WDR17: variants seen among roughly 807,000 people sequenced by gnomAD.
WDR17 encodes WD repeat-containing protein 17.
In WDR17, 143 loss-of-function variants were observed where a neutral mutation model predicts 161.7. That is an observed-to-expected ratio of 0.88 (90% CI 0.77 to 1.02). The LOEUF (loss-of-function observed/expected upper bound fraction) is 1.02, where lower values mean the gene tolerates loss of function less well. Among genes scored for constraint, WDR17 ranks in the 50% least tolerant of loss-of-function variants. The probability of loss-of-function intolerance (pLI) is 0.00; values close to 1 mark genes in which losing one functional copy is unlikely to be tolerated. For synonymous variants in WDR17, 517 were observed against 515.6 expected (o/e 1.00, Z -0.04); for missense variants, 1,469 against 1,520.9 (o/e 0.97, Z 0.57).
intron 1 of WDR17, among the ~76,000 whole-genome samples, chr4:176,085,925 A>G (rs1056451999): frequency 6.6e-6 from 1 of 151,966 alleles, no homozygotes; most frequent in East Asian, 1.9e-4. Context: ...AAAGAAGTGA[A>G]ATATAATTGA....
At chr4:176,099,412 A>G (rs1442189302) in intron 1 of WDR17, among the ~76,000 whole-genome samples, 1 of 152,112 alleles carries the variant, frequency 6.6e-6, no homozygotes, top group Non-Finnish European at 1.5e-5. Flanking sequence ...TAAAAACTTC[A>G]CGGGAACCCA....
chr4:176,077,155 ATTTTTTTTTT>A (rs66817611), intron 1 of WDR17, among the ~76,000 whole-genome samples: 11 of 125,452 alleles, frequency 8.8e-5, no homozygotes, highest in South Asian at 4.8e-4. Flanking sequence ...TTTTCTCCCA[ATTTTTTTTTT>A]TTTTTTTTTT....
At position 176,180,234 on chromosome 4, in the gene WDR17, G is replaced by A. The variant is rs1561230156; in HGVS notation, c.*655G>A. On this transcript the variant is annotated 3_prime_UTR_variant, in exon 29 of 29. Transcript: ENST00000508596. ...CATTGTAAAGGTGTAAGTTATATAGGCTTGAAAAAAATTGGCGGGTAAAAA... is the reference window on the plus strand; with the variant it reads ...CATTGTAAAGGTGTAAGTTATATAGACTTGAAAAAAATTGGCGGGTAAAAA... 1 of 151,370 alleles carries A rather than the reference G, an allele frequency of 6.6e-6. No homozygotes were observed. The highest frequency in any genetic ancestry group is 1.5e-5 in the Non-Finnish European group (1 of 67,826). 9.4% of individuals were successfully genotyped at this position (151,370 alleles called of 1,614,324 possible). A position where few individuals can be genotyped will look rare whatever the true frequency, so the allele number is the denominator to read the frequency against.
chr4:176,111,405 C>A, intron 1 of WDR17, 170 bp from the exon 2 acceptor site: 1 of 526,432 alleles, frequency 1.9e-6, no homozygotes, highest in Non-Finnish European at 3.0e-6. Flanking sequence ...TGTCTGCAGA[C>A]ATTTAGGGAG....
chr4:176,107,110 G>T (rs1738874659), intron 1 of WDR17, among the ~76,000 whole-genome samples: 1 of 152,072 alleles, frequency 6.6e-6, no homozygotes, highest in Admixed American at 6.6e-5. Context: ...TGATTTACCT[G>T]ATTGAAAAAT....
intron 12 of WDR17, among the ~76,000 whole-genome samples, chr4:176,146,503 G>A (rs2126803258): frequency 6.6e-6 from 1 of 152,316 alleles, no homozygotes; most frequent in African/African-American, 2.4e-5. Context: ...AGGGAAATCA[G>A]TTATACTGCC....
At chr4:176,112,222 T>C (rs1228554946) in intron 2 of WDR17, among the ~76,000 whole-genome samples, 1 of 152,168 alleles carries the variant, frequency 6.6e-6, no homozygotes, top group Non-Finnish European at 1.5e-5. Flanking sequence ...AATGTGATAG[T>C]TATCTTTGAC....
intron 2 of WDR17, among the ~76,000 whole-genome samples, 169 bp from the exon 3 acceptor site, chr4:176,115,627 T>A (rs888504220): frequency 6.6e-6 from 1 of 151,972 alleles, no homozygotes; most frequent in Admixed American, 6.6e-5. Flanking sequence ...TGGTTCAATA[T>A]TCATGAATAC....
At position 176,182,346 on chromosome 4, in the gene WDR17, ATATG is replaced by A. The variant is rs1201617935; in HGVS notation, c.*2773_*2776del. 9 of 151,602 alleles carry A rather than the reference ATATG, an allele frequency of 5.9e-5. No homozygotes were observed. Among genetic ancestry groups the A allele is most frequent in the African/African-American group, 9.7e-5 (4 of 41,332 alleles). The allele number at this position is 151,602 out of a possible 1,614,324, so 9.4% of individuals were successfully genotyped here. A position where few individuals can be genotyped will look rare whatever the true frequency, so the allele number is the denominator to read the frequency against. On this transcript the variant is annotated 3_prime_UTR_variant, in exon 29 of 29. Transcript: ENST00000508596. This position sits in a 1 kb window ranked among gnomAD's most constrained non-coding sequence, Gnocchi z 4.2. ...ATGTCAATCAAGACAAATGAAATAT[ATATG>A]TATGTGTATATATATACATGTATGT...
intron 1 of WDR17, among the ~76,000 whole-genome samples, chr4:176,069,883 G>T (rs36008793): frequency 0.52 from 78,704 of 151,984 alleles, 21,919 homozygotes; most frequent in South Asian, 0.63. Flanking sequence ...TGGTTAATAA[G>T]AAATAGCTAA....
chr4:176,172,537 A>AG, intron 24 of WDR17, 21 bp downstream of exon 24: 2 of 1,549,498 alleles, frequency 1.3e-6, no homozygotes, highest in Non-Finnish European at 1.7e-6. Flanking sequence ...AGTTGGTAGT[A>AG]GAATTTTAAA....
chr4:176,099,893 G>A (rs989439728), intron 1 of WDR17, among the ~76,000 whole-genome samples: 1 of 152,078 alleles, frequency 6.6e-6, no homozygotes, highest in Non-Finnish European at 1.5e-5. Flanking sequence ...ACCTCCAGCT[G>A]CATGCATGTT....
intron 5 of WDR17, among the ~76,000 whole-genome samples, chr4:176,125,704 A>T (rs1469338501): frequency 2.0e-5 from 3 of 152,164 alleles, no homozygotes; most frequent in Admixed American, 2.0e-4. Flanking sequence ...GAGCATAAAA[A>T]CAATTACCTG....
rs530167068 is a variant in WDR17 at position 176,180,275 on chromosome 4, G to A, written c.*696G>A. On this transcript the variant is annotated 3_prime_UTR_variant, in exon 29 of 29. Transcript: ENST00000508596. ...CGGGTAAAAATCACAAAATGCAGTC[G>A]AATATATATATGAAAACTTGCATTA... The A allele has an allele frequency of 1.3e-4, 20 of 151,694 alleles. No individual in the cohort carries two copies. The highest frequency in any genetic ancestry group is 4.3e-4 in the African/African-American group (18 of 41,394). The allele number at this position is 151,694 out of a possible 1,614,324, so 9.4% of individuals were successfully genotyped here.
chr4:176,167,644 CAAAA>C (rs34187946), intron 22 of WDR17, among the ~76,000 whole-genome samples: 1 of 23,834 alleles, frequency 4.2e-5, no homozygotes, highest in African/African-American at 1.6e-4. Context: ...GACTCCGTCT[CAAAA>C]AAAAAAAAAA....
chr4:176,150,790 A>G lies in WDR17; in HGVS notation c.2304+197A>G, dbSNP rs118021908. On this transcript the variant is annotated intron_variant, in intron 16 of 28. Transcript: ENST00000508596. ...ACAGATTAAGTCAATCATGGTTATC[A>G]TAGGTTGAGTCTCATGAAATTCCTT... 3.3e-4 allele frequency among the ~76,000 whole-genome samples: 51 copies of G among 152,366 alleles called. No homozygotes were observed. The East Asian group carries it at 8.9e-3, about 26-fold the overall frequency.
Position 176,168,779 on chromosome 4 carries a change from A to T in WDR17, c.3098A>T (p.Asp1033Val). Residue 1033 changes from aspartate to valine, a missense_variant, in exon 23 of 29, where the codon GAT (aspartate) becomes GTT (valine). By Grantham distance (152) the Asp-to-Val change is radical (BLOSUM62 -3). Transcript: ENST00000508596. ...ACTGAAGAGATAAATGACCTTCATG[A>T]TAAGGTATGCTGATGATGTTAAATA... ...GCTEEINDLH[D>V]KCKLPTVEEC... 6.2e-7 allele frequency: 1 copy of T among 1,610,982 alleles called. No homozygotes were observed. Among genetic ancestry groups the T allele is most frequent in the African/African-American group, 1.3e-5 (1 of 74,938 alleles).
chr4:176,154,404 C>T (rs980362751), intron 17 of WDR17, among the ~76,000 whole-genome samples: 1 of 152,148 alleles, frequency 6.6e-6, no homozygotes, highest in African/African-American at 2.4e-5. Context: ...TCACTTGAAT[C>T]CGGCAGGCGG....
At position 176,135,201 on chromosome 4, in the gene WDR17, GAT is replaced by G; in HGVS notation, c.1196_1197del (p.Ile399LysfsTer12). 1 of 1,612,380 alleles carries G rather than the reference GAT, an allele frequency of 6.2e-7. No homozygotes were observed. The highest frequency in any genetic ancestry group is 2.2e-5 in the East Asian group (1 of 44,794). On this transcript the variant is annotated frameshift_variant, in exon 8 of 29. Coordinates refer to ENST00000508596, the MANE Select transcript of WDR17 (RefSeq NM_181265.4). LOFTEE classifies it high-confidence loss of function. ...ATTTGATGGCACTATAAAAGTCTGGGATATAAACACATTAACAGCAGTGTACA... is the reference window on the plus strand; with the variant it reads ...ATTTGATGGCACTATAAAAGTCTGGGATAAACACATTAACAGCAGTGTACA... ...ASFDGTIKVW[D>X]INTLTAVYTS...
Sources: gnomAD v4.1 joint callset for allele counts (sites outside exome capture counted in the v4.1 genomes callset) on GRCh38, gnomAD v4.1.1 for gene constraint, Gnocchi (gnomAD v3.1) non-coding constraint, MANE v1.5 for transcripts, NCBI Gene and HGNC (gene_info 2026-07-23, HGNC 2026-07-21) for gene names.